Variants in CAT observed in about 807,000 individuals in gnomAD.
CAT encodes the protein catalase, also known as epididymis secretory sperm binding protein.
CAT carries 43 observed loss-of-function variants against 59.0 expected under a neutral mutation model. The ratio of observed to expected loss-of-function variants is 0.73; its 90% CI spans 0.57 to 0.94. CAT has a LOEUF of 0.94. Ranked by LOEUF, CAT falls within the 40% of genes least tolerant of loss-of-function variation. The pLI is 0.00. For synonymous variants in CAT, 218 were observed against 230.9 expected (o/e 0.94, Z 0.51); for missense variants, 664 against 682.9 (o/e 0.97, Z 0.31).
At chr11:34,459,324 T>C (rs1195169985) in intron 8 of CAT, among the ~76,000 whole-genome samples, 4 of 152,174 alleles carry the variant, frequency 2.6e-5, no homozygotes, top group Non-Finnish European at 5.9e-5. Flanking sequence ...TCATGAGTAT[T>C]GTAGCCTAGG....
At chr11:34,454,682 A>G (rs1320916745) in intron 6 of CAT, among the ~76,000 whole-genome samples, 1 of 152,234 alleles carries the variant, frequency 6.6e-6, no homozygotes, top group East Asian at 1.9e-4. Context: ...CATAACTTGG[A>G]TCTATAATAT....
At chr11:34,442,248 A>T (rs577638002) in intron 1 of CAT, among the ~76,000 whole-genome samples, 1 of 152,328 alleles carries the variant, frequency 6.6e-6, no homozygotes, top group African/African-American at 2.4e-5. Context: ...AATCATGTGG[A>T]ATCATGTGTA....
intron 6 of CAT, 29 bp downstream of exon 6, chr11:34,453,955 C>T: frequency 1.2e-6 from 2 of 1,611,104 alleles, no homozygotes; most frequent in Non-Finnish European, 1.7e-6. Context: ...GCAGAGGGTA[C>T]AAGGCTCCTA....
At position 34,470,895 on chromosome 11, in the gene CAT, C is replaced by A. The variant is rs187315136; in HGVS notation, c.1435-63C>A. 5.5e-5 allele frequency: 74 copies of A among 1,343,418 alleles called. No homozygotes were observed. The East Asian group carries it at 1.7e-3, about 30-fold the overall frequency. The allele number at this position is 1,343,418 out of a possible 1,614,324, so 83.2% of individuals were successfully genotyped here. A position where few individuals can be genotyped will look rare whatever the true frequency, so the allele number is the denominator to read the frequency against. ...GGAATAAACACTGGGAAACCACAGT[C>A]CCTGGGGAGTGATATAGTAGGGAGT... On this transcript the variant is annotated intron_variant, in intron 11 of 12. Transcript: ENST00000241052.
intron 9 of CAT, 68 bp downstream of exon 9, chr11:34,461,457 C>G: frequency 1.3e-6 from 2 of 1,579,050 alleles, no homozygotes; most frequent in Non-Finnish European, 1.7e-6. Context: ...GGCGGGAGGC[C>G]AGGCCAGTGG....
At position 34,453,222 on chromosome 11, in the gene CAT, A is replaced by G. The variant is rs370405054; in HGVS notation, c.585+28A>G. On this transcript the variant is annotated intron_variant, in intron 5 of 12. Coordinates refer to ENST00000241052, the MANE Select transcript of CAT (RefSeq NM_001752.4). ...ATGAACCCTTTTTTGCCATTGTATTATATCACCTGGGATGCAGTGTTTAAT... is the reference window on the plus strand; with the variant it reads ...ATGAACCCTTTTTTGCCATTGTATTGTATCACCTGGGATGCAGTGTTTAAT... 9.9e-5 allele frequency: 129 copies of G among 1,307,356 alleles called. 1 individual carries two copies. The African/African-American group carries it at 1.5e-3, about 15-fold the overall frequency. 81.0% of individuals were successfully genotyped at this position (1,307,356 alleles called of 1,614,324 possible). A position where few individuals can be genotyped will look rare whatever the true frequency, so the allele number is the denominator to read the frequency against.
chr11:34,454,621 C>T (rs148700815), intron 6 of CAT, among the ~76,000 whole-genome samples: 1 of 152,290 alleles, frequency 6.6e-6, no homozygotes, highest in Admixed American at 6.5e-5. Context: ...TTTATCTGAA[C>T]AATTTAATGT....
chr11:34,452,957 T>G lies in CAT; in HGVS notation c.481-133T>G, dbSNP rs1483150246. ...TGCTGAGTAAATTTCATATTATGGT[T>G]TGGCAGTTTAAAATTCTAGGATTGT... is the stretch of plus-strand genomic sequence containing the variant. On this transcript the variant is annotated intron_variant, in intron 4 of 12. Coordinates refer to ENST00000241052, the MANE Select transcript of CAT (RefSeq NM_001752.4). The G allele has an allele frequency of 7.2e-6, 5 of 689,780 alleles. No individual in the cohort carries two copies. The African/African-American group carries it at 8.9e-5, about 12-fold the overall frequency. The allele number at this position is 689,780 out of a possible 1,614,324, so 42.7% of individuals were successfully genotyped here.
chr11:34,444,657 A>G (rs1027303818), intron 1 of CAT, among the ~76,000 whole-genome samples: 4 of 152,226 alleles, frequency 2.6e-5, no homozygotes, highest in African/African-American at 9.6e-5. Context: ...GCATTAACCA[A>G]TCTTTTAATT....
chr11:34,452,264 A>G (rs375938533), intron 4 of CAT, 57 bp downstream of exon 4: 17 of 1,553,300 alleles, frequency 1.1e-5, no homozygotes, highest in Admixed American at 1.7e-5. Context: ...ATTGATTTCA[A>G]ATAGGTTGGC....
intron 1 of CAT, among the ~76,000 whole-genome samples, chr11:34,442,548 C>T (rs1856403516): frequency 6.6e-6 from 1 of 152,146 alleles, no homozygotes; most frequent in East Asian, 1.9e-4. Context: ...TTGCAGTAAG[C>T]CGAGATCCTG....
intron 6 of CAT, among the ~76,000 whole-genome samples, chr11:34,454,855 C>T (rs1204132307): frequency 6.6e-6 from 1 of 152,146 alleles, no homozygotes; most frequent in Non-Finnish European, 1.5e-5. Flanking sequence ...TTTCTACTCT[C>T]CTAGATAATT....
At chr11:34,442,286 A>G (rs1242349680) in intron 1 of CAT, among the ~76,000 whole-genome samples, 3 of 152,206 alleles carry the variant, frequency 2.0e-5, no homozygotes, top group Non-Finnish European at 2.9e-5. Context: ...ATAAATCTCA[A>G]CATGTATCAT....
At chr11:34,455,595 AT>A (rs1191963564) in intron 6 of CAT, among the ~76,000 whole-genome samples, 1 of 151,916 alleles carries the variant, frequency 6.6e-6, no homozygotes, top group East Asian at 1.9e-4. Flanking sequence ...AGTCTCAGTA[AT>A]TGATTTGAGC....
rs560447527 is a variant in CAT at position 34,451,206 on chromosome 11, T to C, written c.349+108T>C. On this transcript the variant is annotated intron_variant, in intron 3 of 12. Transcript: ENST00000241052. ...TTAGAAAATAGGAAGCAAGCACTTCTCCAAATTATGTCAAGGTTTTACAGT... is the reference window on the plus strand; with the variant it reads ...TTAGAAAATAGGAAGCAAGCACTTCCCCAAATTATGTCAAGGTTTTACAGT... 140 of 772,874 alleles carry C rather than the reference T, an allele frequency of 1.8e-4. 5 individuals carry two copies. In the South Asian group the frequency reaches 1.8e-3, roughly 10 times the overall value. 47.9% of individuals were successfully genotyped at this position (772,874 alleles called of 1,614,324 possible).
rs17880442 is a variant in CAT, at chr11:34,470,999, C to T, written c.1476C>T (p.His492=). ...AGGTCCACCCTGACTACGGGAGCCA[C>T]ATCCAGGCTCTTCTGGACAAGTACA... The part of the protein sequence containing the change: ...FTEVHPDYGS[H]IQALLDKYNA... Residue 492 remains histidine, a synonymous_variant, in exon 12 of 13, where the codon CAC becomes CAT. Transcript: ENST00000241052. 846 of 1,614,206 alleles carry T rather than the reference C, an allele frequency of 5.2e-4. 3 individuals are homozygous for T. In the African/African-American group the frequency reaches 8.8e-3, roughly 17 times the overall value.
chr11:34,468,302 TG>T lies in CAT; in HGVS notation c.1342del (p.Val448Ter). The T allele has an allele frequency of 3.1e-6, 5 of 1,613,974 alleles. No individual in the cohort carries two copies. Among genetic ancestry groups the T allele is most frequent in the Non-Finnish European group, 3.4e-6 (4 of 1,179,834 alleles). On this transcript the variant is annotated frameshift_variant, in exon 11 of 13. Transcript: ENST00000241052. LOFTEE classifies it high-confidence loss of function. ...TCTCTGAGCAGGTGCGGGCATTCTA[TG>T]TGAACGTGCTGAATGAGGAACAGAG... ...DNVTQVRAFY[V>X]NVLNEEQRKR...
At chr11:34,469,444 C>G (rs1038379483) in intron 11 of CAT, among the ~76,000 whole-genome samples, 34 of 152,198 alleles carry the variant, frequency 2.2e-4, no homozygotes, top group Admixed American at 5.2e-4. Flanking sequence ...CCTGCCTCCT[C>G]TTGCTGTCCA....
At chr11:34,445,340 A>AAAATT (rs1856437161) in intron 1 of CAT, among the ~76,000 whole-genome samples, 1 of 151,618 alleles carries the variant, frequency 6.6e-6, no homozygotes, top group African/African-American at 2.4e-5. Context: ...TAAAAATACA[A>AAAATT]AAATTAGCTG....
Sources: allele counts gnomAD v4.1 joint callset (sites outside exome capture counted in the v4.1 genomes callset), GRCh38; gene constraint gnomAD v4.1.1; transcripts MANE v1.5; gene names NCBI Gene and HGNC (gene_info 2026-07-23, HGNC 2026-07-21).